PLPP3: variants seen among roughly 807,000 people sequenced by gnomAD.
PLPP3 encodes the protein phospholipid phosphatase 3.
PLPP3 carries 6 observed loss-of-function variants against 29.6 expected under a neutral mutation model. The observed-to-expected ratio is 0.20, with a 90% CI of 0.11 to 0.40. PLPP3 has a LOEUF of 0.40. Among genes scored for constraint, PLPP3 ranks in the 10% least tolerant of loss-of-function variants. PLPP3 has a pLI of 1.00. For missense variants in PLPP3, 308 were observed against 407.7 expected, an observed-to-expected ratio of 0.76 and a Z score of 2.11; for synonymous variants, 152 against 159.7, an observed-to-expected ratio of 0.95 and a Z score of 0.36.
chr1:56,560,259 T>G (rs920284087), intron 1 of PLPP3, among the ~76,000 whole-genome samples: 6 of 152,210 alleles, frequency 3.9e-5, no homozygotes, highest in Middle Eastern at 3.2e-3. Context: ...AAATGACTCA[T>G]CACCATCATT....
At chr1:56,544,932 A>G (rs1249795460) in intron 1 of PLPP3, among the ~76,000 whole-genome samples, 1 of 152,218 alleles carries the variant, frequency 6.6e-6, no homozygotes, top group Admixed American at 6.5e-5. Flanking sequence ...CAGAGTTAAG[A>G]CACAGCAATA....
chr1:56,542,825 C>T (rs1645979174), intron 1 of PLPP3, among the ~76,000 whole-genome samples: 1 of 151,948 alleles, frequency 6.6e-6, no homozygotes. Flanking sequence ...AGTCCGAGAC[C>T]AGCCTTGGCA....
chr1:56,512,472 T>A (rs146843989), intron 4 of PLPP3: 196 of 209,818 alleles, frequency 9.3e-4, no homozygotes, highest in African/African-American at 4.3e-3. Context: ...ATTATCTGGG[T>A]GTGATGGCAT....
At chr1:56,520,795 C>T (rs904489592) in intron 4 of PLPP3, among the ~76,000 whole-genome samples, 3 of 149,996 alleles carry the variant, frequency 2.0e-5, no homozygotes, top group African/African-American at 7.4e-5. Flanking sequence ...CCTGTAATCC[C>T]AGCTACTTGG....
intron 1 of PLPP3, among the ~76,000 whole-genome samples, chr1:56,573,203 A>G (rs1383816885): frequency 1.3e-5 from 2 of 152,232 alleles, no homozygotes; most frequent in African/African-American, 4.8e-5. Context: ...AATTACATAG[A>G]GTTCGGTTTA....
intron 1 of PLPP3, among the ~76,000 whole-genome samples, chr1:56,575,884 C>T (rs1409082619): frequency 2.6e-5 from 4 of 152,186 alleles, no homozygotes; most frequent in Non-Finnish European, 5.9e-5. Flanking sequence ...TAACCCCATA[C>T]ACCACAATCA....
chr1:56,556,833 G>T (rs1022680035), intron 1 of PLPP3, among the ~76,000 whole-genome samples: 3 of 147,822 alleles, frequency 2.0e-5, no homozygotes, highest in Non-Finnish European at 3.0e-5. Flanking sequence ...GGCTGAGGTG[G>T]ATAGATTGCT....
intron 1 of PLPP3, among the ~76,000 whole-genome samples, chr1:56,553,879 T>A (rs1646056249): frequency 6.6e-6 from 1 of 152,058 alleles, no homozygotes; most frequent in South Asian, 2.1e-4. Context: ...GCGAAGAAGG[T>A]TCATACAATG....
chr1:56,534,471 A>C (rs1162340504), intron 2 of PLPP3, among the ~76,000 whole-genome samples: 1 of 152,114 alleles, frequency 6.6e-6, no homozygotes, highest in Non-Finnish European at 1.5e-5. Context: ...CAACTCAGTC[A>C]AGGCCTCTCT....
intron 5 of PLPP3, among the ~76,000 whole-genome samples, chr1:56,504,199 G>A (rs1191157402): frequency 7.9e-5 from 12 of 152,202 alleles, no homozygotes; most frequent in East Asian, 3.8e-4. Context: ...GCATGCTGCT[G>A]TGTGCCTGTG....
intron 2 of PLPP3, among the ~76,000 whole-genome samples, chr1:56,532,604 G>C (rs766697900): frequency 1.3e-5 from 2 of 152,190 alleles, no homozygotes; most frequent in Non-Finnish European, 2.9e-5. Context: ...GTGGTACAGA[G>C]TGTGTTCCCA....
intron 1 of PLPP3, among the ~76,000 whole-genome samples, chr1:56,545,233 G>A (rs559881189): frequency 6.6e-6 from 1 of 152,190 alleles, no homozygotes; most frequent in Admixed American, 6.5e-5. Flanking sequence ...CATTCTTGCT[G>A]TATGACCTTA....
intron 4 of PLPP3, among the ~76,000 whole-genome samples, chr1:56,522,665 A>G (rs951312349): frequency 6.6e-6 from 1 of 150,844 alleles, no homozygotes; most frequent in African/African-American, 2.5e-5. Flanking sequence ...AAACTTAGAA[A>G]GGATTGGGGG....
At chr1:56,521,171 G>A (rs1645816841) in intron 4 of PLPP3, among the ~76,000 whole-genome samples, 1 of 148,568 alleles carries the variant, frequency 6.7e-6, no homozygotes, top group African/African-American at 2.5e-5. Flanking sequence ...AGAGGCAGAG[G>A]TTGCAGTGAG....
chr1:56,523,999 T>C, intron 3 of PLPP3, 119 bp from the exon 4 acceptor site: 1 of 1,213,424 alleles, frequency 8.2e-7, no homozygotes, highest in Non-Finnish European at 1.2e-6. Flanking sequence ...CCTGTTCATT[T>C]TTGCATCCTT....
intron 1 of PLPP3, among the ~76,000 whole-genome samples, chr1:56,561,967 G>A (rs867686524): frequency 2.7e-5 from 4 of 147,364 alleles, no homozygotes; most frequent in African/African-American, 7.5e-5. Flanking sequence ...CCTGGGAGGC[G>A]GAGGTTGCAG....
chr1:56,571,695 T>C (rs1646199720), intron 1 of PLPP3, among the ~76,000 whole-genome samples: 1 of 152,186 alleles, frequency 6.6e-6, no homozygotes, highest in Non-Finnish European at 1.5e-5. Flanking sequence ...TCTACTCCAC[T>C]GCCCAATAAT....
At chr1:56,577,445 C>T (rs563686683) in intron 1 of PLPP3, among the ~76,000 whole-genome samples, 33 of 152,270 alleles carry the variant, frequency 2.2e-4, no homozygotes, top group African/African-American at 7.5e-4. Context: ...CACAATTATA[C>T]CTTCAGCTGT....
chr1:56,579,308 C>G lies in PLPP3; in HGVS notation c.-292G>C, dbSNP rs940051104. The stretch of plus-strand genomic sequence containing the variant: ...GAGCAGAAACTTTTGCAGAGCTGCG[C>G]AGCTTGGGGCGCGCTGTTGTGGCGC... On this transcript the variant is annotated 5_prime_UTR_variant, in exon 1 of 6. Transcript: ENST00000371250. The G allele has an allele frequency of 2.7e-6, 1 of 366,844 alleles. No individual in the cohort carries two copies. The highest frequency in any genetic ancestry group is 7.0e-5 in the East Asian group (1 of 14,236). 22.7% of individuals were successfully genotyped at this position (366,844 alleles called of 1,614,324 possible).
Sources: gnomAD v4.1 joint callset for allele counts (sites outside exome capture counted in the v4.1 genomes callset) on GRCh38, gnomAD v4.1.1 for gene constraint, MANE v1.5 for transcripts, NCBI Gene and HGNC (gene_info 2026-07-23, HGNC 2026-07-21) for gene names.